AFF2: variants seen among roughly 807,000 people sequenced by gnomAD.
AFF2 encodes the protein ALF transcription elongation factor 2, also known as AF4/FMR2 family member 2.
Under a neutral mutation model 76.9 loss-of-function variants are expected in AFF2, and 14 were observed. The ratio of observed to expected loss-of-function variants is 0.18; its 90% CI spans 0.12 to 0.28. The LOEUF (loss-of-function observed/expected upper bound fraction) is 0.28, where lower values mean the gene tolerates loss of function less well. Among genes scored for constraint, AFF2 ranks in the 10% least tolerant of loss-of-function variants. AFF2 has a pLI of 1.00. For missense variants in AFF2, 868 were observed against 1,001.1 expected, an observed-to-expected ratio of 0.87 and a Z score of 1.79; for synonymous variants, 398 against 366.7, an observed-to-expected ratio of 1.09 and a Z score of -0.98.
chrX:148,910,676 A>T (rs2071458679), intron 9 of AFF2, among the ~76,000 whole-genome samples: 1 of 112,219 alleles, frequency 8.9e-6, no homozygotes, highest in African/African-American at 3.2e-5. Flanking sequence ...AGGATGCCTG[A>T]TGGGGTGCAG....
intron 16 of AFF2, among the ~76,000 whole-genome samples, chrX:148,974,511 G>C (rs1449229065): frequency 8.9e-6 from 1 of 111,945 alleles, no homozygotes; most frequent in African/African-American, 3.3e-5. Context: ...TATCTTGCTT[G>C]TACCTGCATT....
At chrX:148,616,988 G>A (rs1345747359) in intron 1 of AFF2, among the ~76,000 whole-genome samples, 2 of 111,751 alleles carry the variant, frequency 1.8e-5, no homozygotes, top group African/African-American at 6.5e-5. Context: ...GGACATTTAG[G>A]TTAGTTCCAA....
chrX:148,845,213 T>C (rs2070652536), intron 7 of AFF2, among the ~76,000 whole-genome samples: 1 of 111,276 alleles, frequency 9.0e-6, no homozygotes, highest in East Asian at 2.8e-4. Flanking sequence ...AAATAGATTT[T>C]CCTATGTAAA....
At chrX:148,703,972 C>G (rs1432724696) in intron 3 of AFF2, among the ~76,000 whole-genome samples, 4 of 108,097 alleles carry the variant, frequency 3.7e-5, no homozygotes, top group Non-Finnish European at 7.6e-5. Flanking sequence ...TCAGTGCAGC[C>G]TTGACGTGGA....
intron 3 of AFF2, among the ~76,000 whole-genome samples, chrX:148,717,579 T>A (rs1411613227): frequency 1.8e-5 from 2 of 111,983 alleles, no homozygotes; most frequent in Non-Finnish European, 1.9e-5. Context: ...TTTACCTACA[T>A]TTAAAAAAAT....
At chrX:148,573,654 A>T (rs2053254826) in intron 1 of AFF2, among the ~76,000 whole-genome samples, 1 of 101,293 alleles carries the variant, frequency 9.9e-6, no homozygotes, top group African/African-American at 3.7e-5. Context: ...CTTGAAAACC[A>T]ACTGCAGACA....
At chrX:148,959,840 G>A (rs1162417581) in intron 12 of AFF2, among the ~76,000 whole-genome samples, 1 of 112,425 alleles carries the variant, frequency 8.9e-6, no homozygotes, top group Non-Finnish European at 1.9e-5. Context: ...TGTTTGCAAG[G>A]AGGAAGGACT....
chrX:148,530,005 G>T (rs1157061256), intron 1 of AFF2, among the ~76,000 whole-genome samples: 1 of 110,850 alleles, frequency 9.0e-6, no homozygotes, highest in African/African-American at 3.3e-5. Context: ...TTCCCCTCTT[G>T]GTGCCCTGGT....
At chrX:148,626,199 T>C (rs915889274) in intron 1 of AFF2, among the ~76,000 whole-genome samples, 2 of 110,788 alleles carry the variant, frequency 1.8e-5, no homozygotes, top group Admixed American at 1.9e-4. Context: ...GGTGGTATTG[T>C]CTTAGAGCAG....
chrX:148,756,299 A>G (rs2055560130), intron 3 of AFF2, among the ~76,000 whole-genome samples: 1 of 112,583 alleles, frequency 8.9e-6, no homozygotes, highest in Admixed American at 9.4e-5. Flanking sequence ...GCACTGGCTA[A>G]GATTGGTGGG....
chrX:148,982,874 G>A (rs2072411843), intron 19 of AFF2, among the ~76,000 whole-genome samples: 2 of 111,823 alleles, frequency 1.8e-5, no homozygotes, highest in African/African-American at 3.3e-5. Flanking sequence ...GTGAAACCAA[G>A]GCTACTATGT....
At chrX:148,908,263 G>A (rs1250898193) in intron 9 of AFF2, among the ~76,000 whole-genome samples, 1 of 111,956 alleles carries the variant, frequency 8.9e-6, no homozygotes, top group African/African-American at 3.2e-5. Context: ...AGAGATTAAA[G>A]TAAAGACAGG....
At chrX:148,706,533 G>A (rs2054886479) in intron 3 of AFF2, among the ~76,000 whole-genome samples, 1 of 112,586 alleles carries the variant, frequency 8.9e-6, no homozygotes, top group South Asian at 3.6e-4. Context: ...CTTTATTGGA[G>A]TTGTCCCAGA....
chrX:148,951,980 G>A lies in AFF2; in HGVS notation c.1398-1600G>A, dbSNP rs1164592519. ...TAAAATGAGCTTTCACTATGTTAAA[G>A]AAAATGTCTACCTGGGAGATTAAAG... On this transcript the variant is annotated intron_variant, in intron 9 of 20. Coordinates refer to ENST00000370460, the MANE Select transcript of AFF2 (RefSeq NM_002025.4). Among the ~76,000 whole-genome samples the A allele has an allele frequency of 2.7e-5, 3 of 112,075 alleles. No homozygotes were observed. The Admixed American group carries it at 2.8e-4, about 11-fold the overall frequency.
At chrX:148,682,623 T>C (rs1422549223) in intron 3 of AFF2, among the ~76,000 whole-genome samples, 1 of 107,083 alleles carries the variant, frequency 9.3e-6, no homozygotes, top group African/African-American at 3.4e-5. Flanking sequence ...GATGGATGGA[T>C]GGACATTTCA....
At chrX:148,892,219 G>C (rs2071231390) in intron 8 of AFF2, among the ~76,000 whole-genome samples, 1 of 111,800 alleles carries the variant, frequency 8.9e-6, no homozygotes, top group Non-Finnish European at 1.9e-5. Context: ...ATTAATTACT[G>C]GAGATGTATG....
intron 4 of AFF2, among the ~76,000 whole-genome samples, chrX:148,835,428 A>G (rs781985973): frequency 2.7e-5 from 3 of 110,166 alleles, no homozygotes; most frequent in African/African-American, 1.0e-4. Context: ...TTTGATATGT[A>G]TATACATTGT....
intron 9 of AFF2, among the ~76,000 whole-genome samples, chrX:148,936,096 G>A (rs2071772627): frequency 9.0e-6 from 1 of 110,900 alleles, no homozygotes; most frequent in South Asian, 3.9e-4. Context: ...AGTACATAAG[G>A]TCTGTAGGGC....
At chrX:148,914,837 A>C (rs782809342) in intron 9 of AFF2, among the ~76,000 whole-genome samples, 1 of 113,084 alleles carries the variant, frequency 8.8e-6, no homozygotes, top group Non-Finnish European at 1.9e-5. Flanking sequence ...TCACAGACAT[A>C]AAATTTCTTT....
Sources: gnomAD v4.1 joint callset for allele counts (sites outside exome capture counted in the v4.1 genomes callset) on GRCh38, gnomAD v4.1.1 for gene constraint, MANE v1.5 for transcripts, NCBI Gene and HGNC (gene_info 2026-07-23, HGNC 2026-07-21) for gene names.